Variants in MTERF1 observed in about 807,000 individuals in gnomAD.
The protein encoded by MTERF1 is transcription termination factor 1, mitochondrial.
MTERF1 carries 29 observed loss-of-function variants against 31.6 expected under a neutral mutation model. The ratio of observed to expected loss-of-function variants is 0.92; its 90% CI spans 0.68 to 1.25. The LOEUF is 1.25. Ranked by LOEUF, MTERF1 falls within the 50% of genes most tolerant of loss-of-function variation. The pLI is 0.00. For synonymous variants in MTERF1, 152 were observed against 164.1 expected (o/e 0.93, Z 0.57); for missense variants, 500 against 469.1 (o/e 1.07, Z -0.61).
At position 91,873,407 on chromosome 7, in the gene MTERF1, C is replaced by T; in HGVS notation, c.*187G>A. The T allele has an allele frequency of 1.7e-6, 1 of 578,860 alleles. No individual in the cohort carries two copies. The highest frequency in any genetic ancestry group is 3.0e-6 in the Non-Finnish European group (1 of 336,326). 35.9% of individuals were successfully genotyped at this position (578,860 alleles called of 1,614,324 possible). A position where few individuals can be genotyped will look rare whatever the true frequency, so the allele number is the denominator to read the frequency against. ...TTCTTATACAGGATCACTCTGACCT[C>T]CTCTTTTGCCTCCCTCTTCAACTTT... On this transcript the variant is annotated 3_prime_UTR_variant, in exon 3 of 3. Coordinates refer to ENST00000351870, the MANE Select transcript of MTERF1 (RefSeq NM_006980.5).
rs1359864791 is a variant in MTERF1 at position 91,871,040 on chromosome 7, G to A, written c.*2554C>T. 1 of 151,492 alleles carries A rather than the reference G, an allele frequency of 6.6e-6. No individual in the cohort carries two copies. Among genetic ancestry groups the A allele is most frequent in the African/African-American group, 2.4e-5 (1 of 41,102 alleles). The allele number at this position is 151,492 out of a possible 1,614,324, so 9.4% of individuals were successfully genotyped here. ...CCCACCTCGGCCTCCCAAATTGCTG[G>A]GATTACAGGCGTGAGCTGGGATTAC... On this transcript the variant is annotated 3_prime_UTR_variant, in exon 3 of 3. Coordinates refer to ENST00000351870, the MANE Select transcript of MTERF1 (RefSeq NM_006980.5).
rs761364183 is a variant in MTERF1, at chr7:91,880,134, CAA to C, written c.-30-23_-30-22del. ...TATCTCTGGAAATGACACACACACA[CAA>C]AAAAAAGGCAAAATATTTCAGGCCT... On this transcript the variant is annotated intron_variant, in intron 1 of 2. Coordinates refer to ENST00000351870, the MANE Select transcript of MTERF1 (RefSeq NM_006980.5). The C allele has an allele frequency of 2.5e-6, 4 of 1,580,544 alleles. No homozygotes were observed. In the Admixed American group the frequency reaches 5.4e-5, roughly 21 times the overall value.
chr7:91,873,743 C>A lies in MTERF1; in HGVS notation c.1051G>T (p.Val351Phe). 6.2e-7 allele frequency: 1 copy of A among 1,614,096 alleles called. No individual in the cohort carries two copies. Among genetic ancestry groups the A allele is most frequent in the Non-Finnish European group, 8.5e-7 (1 of 1,180,008 alleles). Residue 351 changes from valine to phenylalanine, a missense_variant, in exon 3 of 3, where the codon GTT becomes TTT. Physicochemically the swap from Val to Phe is conservative, Grantham distance 50. Coordinates refer to ENST00000351870, the MANE Select transcript of MTERF1 (RefSeq NM_006980.5). ...AAAGTACTTATGCTTGAATCCAGAA[C>A]CCGAGGATTTTCGATTATTTGTGAA... ...SISQIIENPRVLDSSISTLKS... is the reference protein window; with the variant it reads ...SISQIIENPRFLDSSISTLKS...
In MTERF1 at chr7:91,873,977, G is replaced by A; in HGVS notation, c.817C>T (p.Leu273=). The A allele has an allele frequency of 1.2e-6, 2 of 1,614,046 alleles. No homozygotes were observed. The highest frequency in any genetic ancestry group is 1.7e-6 in the Non-Finnish European group (2 of 1,180,018). The change falls in exon 3 of 3, where the codon CTG becomes TTG. Residue 273 remains leucine, a synonymous_variant. Coordinates refer to ENST00000351870, the MANE Select transcript of MTERF1 (RefSeq NM_006980.5). The stretch of plus-strand genomic sequence containing the variant: ...ATTTCAGCTCCTGGACCACATATCA[G>A]AACCAGCAGTTCCTCACTGTTCAAA... ...FNLNSEELLV[L]ICGPGAEILD... is the part of the protein sequence containing the mutation.
In MTERF1 at chr7:91,874,770, TA is replaced by T. The variant is rs779062498; in HGVS notation, c.30-7del. 8.2e-6 allele frequency: 13 copies of T among 1,577,608 alleles called. No homozygotes were observed. The highest frequency in any genetic ancestry group is 1.1e-5 in the Non-Finnish European group (13 of 1,160,824). ...AGTTCAAACCTTTTGAAATGCTGTG[TA>T]AAACAACACATAAAATATTACACAA... On this transcript the variant is annotated splice_region_variant and splice_polypyrimidine_tract_variant and intron_variant, in intron 2 of 2. Transcript: ENST00000351870.
In MTERF1 at chr7:91,874,334, GGTCTGAT is replaced by G. The variant is rs1562843881; in HGVS notation, c.453_459del (p.Ser152LeufsTer4). 1 of 1,614,054 alleles carries G rather than the reference GGTCTGAT, an allele frequency of 6.2e-7. No individual in the cohort carries two copies. Among genetic ancestry groups the G allele is most frequent in the Non-Finnish European group, 8.5e-7 (1 of 1,180,020 alleles). ...CGTTCCAAAATATTTACAATTTCAA[GGTCTGAT>G]GTCACAATCTTTCTCCACAGATCCC... On this transcript the variant is annotated frameshift_variant, in exon 3 of 3. Coordinates refer to ENST00000351870, the MANE Select transcript of MTERF1 (RefSeq NM_006980.5). LOFTEE classifies it high-confidence loss of function.
Position 91,874,058 on chromosome 7 carries a change from T to C in MTERF1, c.736A>G (p.Ile246Val). 6.2e-7 allele frequency: 1 copy of C among 1,614,124 alleles called. No homozygotes were observed. Among genetic ancestry groups the C allele is most frequent in the Non-Finnish European group, 8.5e-7 (1 of 1,180,016 alleles). Residue 246 changes from isoleucine to valine, a missense_variant, in exon 3 of 3, where the codon ATT becomes GTT. Physicochemically the swap from Ile to Val is conservative, Grantham distance 29. Coordinates refer to ENST00000351870, the MANE Select transcript of MTERF1 (RefSeq NM_006980.5). ...GCTTTCACCCGCTTGGTGCTCTGAATTAAGATAAAAGGGTTTTTAAAAATT... is the reference window on the plus strand; with the variant it reads ...GCTTTCACCCGCTTGGTGCTCTGAACTAAGATAAAAGGGTTTTTAAAAATT... Reference protein sequence around the residue: ...KIIFKNPFILIQSTKRVKANI... With the variant: ...KIIFKNPFILVQSTKRVKANI...
intron 2 of MTERF1, among the ~76,000 whole-genome samples, chr7:91,879,791 G>A (rs981923231): frequency 2.0e-5 from 3 of 151,986 alleles, no homozygotes; most frequent in Non-Finnish European, 2.9e-5. Flanking sequence ...AATTGACTTC[G>A]ATCTATTTCT....
Position 91,871,458 on chromosome 7 carries a change from T to C in MTERF1, c.*2136A>G, listed in dbSNP as rs1159135021. 1 of 152,212 alleles carries C rather than the reference T, an allele frequency of 6.6e-6. No homozygotes were observed. Among genetic ancestry groups the C allele is most frequent in the Non-Finnish European group, 1.5e-5 (1 of 68,032 alleles). The allele number at this position is 152,212 out of a possible 1,614,324, so 9.4% of individuals were successfully genotyped here. A position where few individuals can be genotyped will look rare whatever the true frequency, so the allele number is the denominator to read the frequency against. The stretch of plus-strand genomic sequence containing the variant: ...TTCAGAAGACTTAAGAAATCAATAC[T>C]TTAAGCCATAACAGTAAAATGTATT... On this transcript the variant is annotated 3_prime_UTR_variant, in exon 3 of 3. Transcript: ENST00000351870.
In MTERF1 at chr7:91,872,458, A is replaced by G. The variant is rs1163387759; in HGVS notation, c.*1136T>C. On this transcript the variant is annotated 3_prime_UTR_variant, in exon 3 of 3. Coordinates refer to ENST00000351870, the MANE Select transcript of MTERF1 (RefSeq NM_006980.5). ...AGTTACTCAGGAATGGTGCCCAGAT[A>G]CATCACTCTAAAGCTCTTGCTTTCT... is the stretch of plus-strand genomic sequence containing the variant. The G allele has an allele frequency of 6.6e-6, 1 of 152,226 alleles. No homozygotes were observed. Among genetic ancestry groups the G allele is most frequent in the Non-Finnish European group, 1.5e-5 (1 of 68,030 alleles). The allele number at this position is 152,226 out of a possible 1,614,324, so 9.4% of individuals were successfully genotyped here.
At position 91,874,589 on chromosome 7, in the gene MTERF1, GCTCA is replaced by G. The variant is rs1789293799; in HGVS notation, c.201_204del (p.Glu68LeufsTer2). 6.2e-7 allele frequency: 1 copy of G among 1,613,952 alleles called. No homozygotes were observed. The highest frequency in any genetic ancestry group is 2.2e-5 in the East Asian group (1 of 44,876). ...TTCAGTAGGTCCTCATTTTTCAAAG[GCTCA>G]CTGTCTGTATTATGACACTTCACAC... On this transcript the variant is annotated frameshift_variant, in exon 3 of 3. Coordinates refer to ENST00000351870, the MANE Select transcript of MTERF1 (RefSeq NM_006980.5). LOFTEE classifies it high-confidence loss of function.
At chr7:91,879,630 A>T (rs938930819) in intron 2 of MTERF1, among the ~76,000 whole-genome samples, 1 of 149,320 alleles carries the variant, frequency 6.7e-6, no homozygotes, top group African/African-American at 2.5e-5. Context: ...GTCACACTTC[A>T]AAATTCTCCA....
rs1347194573 is a variant in MTERF1 at position 91,873,832 on chromosome 7, A to G, written c.962T>C (p.Ile321Thr). The part of the protein sequence containing the change: ...QKFVLSYPDV[I>T]FLAEKKFNDK... Reference sequence around the variant, plus strand: ...ATTAAACTTTTTCTCTGCCAAGAAGATCACATCTGGATAGCTTAAGACAAA... The same window carrying G: ...ATTAAACTTTTTCTCTGCCAAGAAGGTCACATCTGGATAGCTTAAGACAAA... The change falls in exon 3 of 3, where the codon ATC becomes ACC. Residue 321 changes from isoleucine to threonine, a missense_variant. Ile to Thr is a moderately conservative substitution (Grantham distance 89). Coordinates refer to ENST00000351870, the MANE Select transcript of MTERF1 (RefSeq NM_006980.5). 3 of 1,614,162 alleles carry G rather than the reference A, an allele frequency of 1.9e-6. No homozygotes were observed. The highest frequency in any genetic ancestry group is 2.2e-5 in the East Asian group (1 of 44,882).
Position 91,876,899 on chromosome 7 carries a change from T to C in MTERF1, c.30-2135A>G, listed in dbSNP as rs1410263010. 5 of 985,048 alleles carry C rather than the reference T, an allele frequency of 5.1e-6. No individual in the cohort carries two copies. The East Asian group carries it at 4.5e-4, about 89-fold the overall frequency. 61.0% of individuals were successfully genotyped at this position (985,048 alleles called of 1,614,324 possible). Reference sequence around the variant, plus strand: ...CTACCTTGCATAGTTCAACAGCCTGTTTTCTCTTCCAGATGCTCGACTGAC... The same window carrying C: ...CTACCTTGCATAGTTCAACAGCCTGCTTTCTCTTCCAGATGCTCGACTGAC... On this transcript the variant is annotated intron_variant, in intron 2 of 2. Coordinates refer to ENST00000351870, the MANE Select transcript of MTERF1 (RefSeq NM_006980.5).
rs1789290563 is a variant in MTERF1 at position 91,874,521 on chromosome 7, T to C, written c.273A>G (p.Lys91=). ...TCCTATGAAAAACTCCAGGCTGTCG[T>C]TTCCTTGCCATGTCAATATCTACTC... ...TMGVDIDMAR[K]RQPGVFHRMI... Residue 91 remains lysine, a synonymous_variant, in exon 3 of 3, where the codon AAA becomes AAG. Coordinates refer to ENST00000351870, the MANE Select transcript of MTERF1 (RefSeq NM_006980.5). The C allele has an allele frequency of 2.5e-6, 4 of 1,614,174 alleles. No homozygotes were observed. Among genetic ancestry groups the C allele is most frequent in the Non-Finnish European group, 3.4e-6 (4 of 1,180,024 alleles).
intron 2 of MTERF1, among the ~76,000 whole-genome samples, chr7:91,878,927 T>C (rs757028698): frequency 1.6e-4 from 24 of 152,066 alleles, no homozygotes; most frequent in Non-Finnish European, 3.2e-4. Flanking sequence ...CTTTGAGATG[T>C]TGGCCAGGAG....
At chr7:91,878,810 G>C (rs1446644215) in intron 2 of MTERF1, among the ~76,000 whole-genome samples, 1 of 152,114 alleles carries the variant, frequency 6.6e-6, no homozygotes, top group East Asian at 1.9e-4. Context: ...ACCCCAGCCT[G>C]GATGACAGAG....
chr7:91,877,685 G>GT (rs1185337881), intron 2 of MTERF1, among the ~76,000 whole-genome samples: 1 of 152,102 alleles, frequency 6.6e-6, no homozygotes, highest in African/African-American at 2.4e-5. Flanking sequence ...TACCCAGCCT[G>GT]TAACAGCCAC....
rs1187448608 is a variant in MTERF1, at chr7:91,874,648, A to G, written c.146T>C (p.Ile49Thr). The change falls in exon 3 of 3, where the codon ATC becomes ACC. Residue 49 changes from isoleucine (I) to threonine (T), a missense_variant. By Grantham distance (89) the Ile-to-Thr change is moderately conservative (BLOSUM62 -1). Coordinates refer to ENST00000351870, the MANE Select transcript of MTERF1 (RefSeq NM_006980.5). ...CWMTRFSAENIFKSVSFRLFG... is the reference protein window; with the variant it reads ...CWMTRFSAENTFKSVSFRLFG... ...AAGCCTAAATGAAACTGATTTGAAG[A>G]TGTTTTCTGCTGAAAATCGAGTCAT... 2 of 1,614,102 alleles carry G rather than the reference A, an allele frequency of 1.2e-6. No individual in the cohort carries two copies. The highest frequency in any genetic ancestry group is 1.3e-5 in the African/African-American group (1 of 75,052).
Sources: gnomAD v4.1 joint callset for allele counts (sites outside exome capture counted in the v4.1 genomes callset) on GRCh38, gnomAD v4.1.1 for gene constraint, MANE v1.5 for transcripts, NCBI Gene and HGNC (gene_info 2026-07-23, HGNC 2026-07-21) for gene names.